The following SPAG17 variants were observed in gnomAD, a reference collection of about 807,000 sequenced individuals.
The protein encoded by SPAG17 is sperm-associated antigen 17.
SPAG17 carries 169 observed loss-of-function variants against 273.6 expected under a neutral mutation model. That is an observed-to-expected ratio of 0.62 (90% CI 0.55 to 0.70). The LOEUF (loss-of-function observed/expected upper bound fraction) is 0.70. Among genes scored for constraint, SPAG17 ranks in the 30% least tolerant of loss-of-function variants. The pLI is 0.00. For missense variants in SPAG17, 2,557 were observed against 2,627.8 expected (o/e 0.97, Z 0.59); for synonymous variants, 825 against 873.2 (o/e 0.94, Z 0.97).
intron 29 of SPAG17, among the ~76,000 whole-genome samples, chr1:118,013,845 G>A (rs1460281961): frequency 1.3e-5 from 2 of 152,088 alleles, no homozygotes; most frequent in Non-Finnish European, 2.9e-5. Context: ...GCCTGTTAGT[G>A]CCAGGTCTGG....
At chr1:118,031,176 T>A (rs1227723852) in intron 25 of SPAG17, among the ~76,000 whole-genome samples, 2 of 139,770 alleles carry the variant, frequency 1.4e-5, no homozygotes, top group African/African-American at 2.8e-5. Context: ...GGAGGACTAC[T>A]CTTTTTTTTT....
chr1:118,118,530 C>A (rs1397920652), intron 3 of SPAG17, among the ~76,000 whole-genome samples: 1 of 152,180 alleles, frequency 6.6e-6, no homozygotes, highest in African/African-American at 2.4e-5. Flanking sequence ...TGGCGTGAAT[C>A]AGGAACTCAA....
intron 40 of SPAG17, 146 bp downstream of exon 40, chr1:117,987,688 A>G: frequency 1.4e-6 from 1 of 740,706 alleles, no homozygotes; most frequent in Non-Finnish European, 2.3e-6. Flanking sequence ...GTCATCACAC[A>G]GAGCTGAATG....
intron 19 of SPAG17, among the ~76,000 whole-genome samples, chr1:118,054,813 T>G (rs980718792): frequency 1.2e-4 from 19 of 152,140 alleles, no homozygotes; most frequent in African/African-American, 4.6e-4. Flanking sequence ...ACCATTTTGG[T>G]CAATATGGTA....
intron 20 of SPAG17, among the ~76,000 whole-genome samples, chr1:118,043,945 T>C (rs763353983): frequency 3.3e-5 from 5 of 152,212 alleles, no homozygotes; most frequent in Non-Finnish European, 7.3e-5. Context: ...ACTACATGTA[T>C]TTATCAATTG....
intron 1 of SPAG17, among the ~76,000 whole-genome samples, chr1:118,175,491 TA>T (rs1009601710): frequency 2.1e-5 from 3 of 145,984 alleles, no homozygotes; most frequent in African/African-American, 7.7e-5. Context: ...AAATAACATA[TA>T]AGAGTTCTAA....
intron 4 of SPAG17, among the ~76,000 whole-genome samples, chr1:118,103,044 G>C (rs12060198): frequency 0.1 from 15,857 of 152,138 alleles, 2,261 homozygotes; most frequent in African/African-American, 0.33. Flanking sequence ...GCCTGGGGTG[G>C]AGGCAGGTAC....
chr1:118,184,983 G>T, intron 1 of SPAG17, 88 bp downstream of exon 1: 2 of 1,109,152 alleles, frequency 1.8e-6, no homozygotes, highest in Non-Finnish European at 1.4e-6. Flanking sequence ...CGGAAGAGAG[G>T]GCGAGCCTTA....
At chr1:118,172,715 T>A (rs1660475619) in intron 1 of SPAG17, among the ~76,000 whole-genome samples, 1 of 152,112 alleles carries the variant, frequency 6.6e-6, no homozygotes, top group South Asian at 2.1e-4. Flanking sequence ...ATGAAAAAAA[T>A]TTACGTCTGG....
At chr1:118,083,121 C>T (rs200870300) in intron 13 of SPAG17, among the ~76,000 whole-genome samples, 3 of 152,140 alleles carry the variant, frequency 2.0e-5, no homozygotes, top group Admixed American at 2.0e-4. Flanking sequence ...CCACACCCGG[C>T]TAATTTTGTA....
At chr1:117,966,912 G>A (rs757283915) in intron 46 of SPAG17, among the ~76,000 whole-genome samples, 159 bp from the exon 47 acceptor site, 12 of 152,176 alleles carry the variant, frequency 7.9e-5, no homozygotes, top group Non-Finnish European at 1.8e-4. Flanking sequence ...GCATTTAGCG[G>A]AATTACTTCA....
chr1:118,040,196 G>A (rs1212118681), intron 22 of SPAG17, among the ~76,000 whole-genome samples: 1 of 152,046 alleles, frequency 6.6e-6, no homozygotes, highest in East Asian at 1.9e-4. Flanking sequence ...TTTGGATTGA[G>A]CTATCATCCC....
At chr1:118,073,401 G>C (rs1423064374) in intron 17 of SPAG17, among the ~76,000 whole-genome samples, 2 of 152,160 alleles carry the variant, frequency 1.3e-5, no homozygotes, top group Non-Finnish European at 2.9e-5. Flanking sequence ...ATCAGTGCCT[G>C]GCACATGGTA....
intron 1 of SPAG17, among the ~76,000 whole-genome samples, chr1:118,183,016 C>A (rs1661018722): frequency 6.6e-6 from 1 of 152,138 alleles, no homozygotes; most frequent in Non-Finnish European, 1.5e-5. Context: ...TTCAATAAAA[C>A]CAAAATGTGA....
chr1:118,153,050 A>T (rs1040290033), intron 1 of SPAG17, among the ~76,000 whole-genome samples: 25 of 152,178 alleles, frequency 1.6e-4, no homozygotes, highest in Non-Finnish European at 3.2e-4. Context: ...CCAATATTTG[A>T]AAGTTAATGG....
In SPAG17 at chr1:118,028,359, C is replaced by T; in HGVS notation, c.3645G>A (p.Glu1215=). 6.2e-7 allele frequency: 1 copy of T among 1,613,872 alleles called. No homozygotes were observed. The highest frequency in any genetic ancestry group is 1.3e-5 in the African/African-American group (1 of 75,032). ...TCTGGAAGGTGGGAACATCCAAAGT[C>T]TCTTGTAAAACAGGTTCTGGTTCTA... ...EEVEPEPVLQ[E]TLDVPTFQSL... is the part of the protein sequence containing the mutation. Residue 1215 remains glutamate (E), a synonymous_variant, in exon 26 of 49, where the codon GAG becomes GAA. Coordinates refer to ENST00000336338, the MANE Select transcript of SPAG17 (RefSeq NM_206996.4).
intron 1 of SPAG17, among the ~76,000 whole-genome samples, chr1:118,155,979 T>C (rs982944416): frequency 3.3e-5 from 5 of 152,154 alleles, no homozygotes; most frequent in African/African-American, 9.7e-5. Context: ...AACTGTAAAA[T>C]AGGTTGAAAA....
rs541799068 is a variant in SPAG17 at position 118,105,156 on chromosome 1, GT to G, written c.448-3231del. Among the ~76,000 whole-genome samples the G allele has an allele frequency of 3.9e-3, 593 of 152,266 alleles. 4 individuals carry two copies. The highest frequency in any genetic ancestry group is 0.02 in the Middle Eastern group (6 of 294). The stretch of plus-strand genomic sequence containing the variant: ...CCAGAAACAGAGACATCTTGATGGT[GT>G]TGAGAAAATGTTTCAATTTTTTCAA... On this transcript the variant is annotated intron_variant, in intron 4 of 48. Coordinates refer to ENST00000336338, the MANE Select transcript of SPAG17 (RefSeq NM_206996.4).
intron 26 of SPAG17, among the ~76,000 whole-genome samples, chr1:118,027,459 A>G (rs544484913): frequency 4.6e-5 from 7 of 152,226 alleles, no homozygotes; most frequent in Non-Finnish European, 1.0e-4. Flanking sequence ...TTAAGTTGTG[A>G]AACTGTAAAG....
Sources: gnomAD v4.1 joint callset for allele counts (sites outside exome capture counted in the v4.1 genomes callset) on GRCh38, gnomAD v4.1.1 for gene constraint, MANE v1.5 for transcripts, NCBI Gene and HGNC (gene_info 2026-07-23, HGNC 2026-07-21) for gene names.